SPATS2L: variants seen among roughly 807,000 people sequenced by gnomAD.
The protein encoded by SPATS2L is spermatogenesis associated serine rich 2 like, also known as SPATS2-like protein.
In SPATS2L, 30 loss-of-function variants were observed where a neutral mutation model predicts 59.6. That is an observed-to-expected ratio of 0.50 (90% CI 0.38 to 0.68). The LOEUF (loss-of-function observed/expected upper bound fraction) is 0.68, where lower values mean the gene tolerates loss of function less well. Among genes scored for constraint, SPATS2L ranks in the 30% least tolerant of loss-of-function variants. The pLI is 0.00. For missense variants in SPATS2L, 615 were observed against 700.0 expected, an observed-to-expected ratio of 0.88 and a Z score of 1.37; for synonymous variants, 252 against 263.5, an observed-to-expected ratio of 0.96 and a Z score of 0.42.
At chr2:200,328,222 G>A (rs1212123780) in intron 1 of SPATS2L, among the ~76,000 whole-genome samples, 2 of 152,072 alleles carry the variant, frequency 1.3e-5, no homozygotes, top group Admixed American at 6.6e-5. Flanking sequence ...TTCTTCCCTT[G>A]TCTTCTGGTT....
intron 1 of SPATS2L, among the ~76,000 whole-genome samples, chr2:200,321,008 C>T (rs918949625): frequency 6.6e-6 from 1 of 151,888 alleles, no homozygotes; most frequent in African/African-American, 2.4e-5. Context: ...GAAAAAAAAT[C>T]TGATGTTAAA....
intron 3 of SPATS2L, among the ~76,000 whole-genome samples, chr2:200,403,666 A>G (rs2082601576): frequency 6.6e-6 from 1 of 152,144 alleles, no homozygotes; most frequent in Non-Finnish European, 1.5e-5. Flanking sequence ...TGAGCCCTAA[A>G]ATCTACCACT....
chr2:200,318,541 T>G (rs191009129), intron 1 of SPATS2L, among the ~76,000 whole-genome samples: 4 of 152,326 alleles, frequency 2.6e-5, no homozygotes, highest in Admixed American at 2.6e-4. Flanking sequence ...ACAAGAACTG[T>G]TTCGGTTGCA....
Position 200,478,126 on chromosome 2 carries a change from C to T in SPATS2L, c.*95C>T. 8.5e-7 allele frequency: 1 copy of T among 1,182,752 alleles called. No individual in the cohort carries two copies. Among genetic ancestry groups the T allele is most frequent in the Non-Finnish European group, 1.2e-6 (1 of 859,988 alleles). 73.3% of individuals were successfully genotyped at this position (1,182,752 alleles called of 1,614,324 possible). On this transcript the variant is annotated 3_prime_UTR_variant, in exon 13 of 13. Transcript: ENST00000409140. ...CCAAAAGAGTGTCAATCAGAATATA[C>T]AAATCCCGTATGGTTGTGTCATCCT... is the stretch of plus-strand genomic sequence containing the variant.
chr2:200,372,089 G>T (rs2081444177), intron 2 of SPATS2L: 2 of 985,206 alleles, frequency 2.0e-6, no homozygotes, highest in African/African-American at 1.7e-5. Context: ...ACTTGACTTG[G>T]CTTCAATTTT....
At chr2:200,423,807 C>T (rs1387421393) in intron 6 of SPATS2L, among the ~76,000 whole-genome samples, 3 of 152,194 alleles carry the variant, frequency 2.0e-5, no homozygotes, top group African/African-American at 7.2e-5. Context: ...AGGCTGTGAA[C>T]ATGTGGGATG....
Sources: allele counts gnomAD v4.1 joint callset (sites outside exome capture counted in the v4.1 genomes callset), GRCh38; gene constraint gnomAD v4.1.1; transcripts MANE v1.5; gene names NCBI Gene and HGNC (gene_info 2026-07-23, HGNC 2026-07-21).